Variants in HSPG2 observed in about 807,000 individuals in gnomAD.
HSPG2 encodes basement membrane-specific heparan sulfate proteoglycan core protein.
A neutral mutation model predicts 526.6 loss-of-function variants in HSPG2; 278 were observed. The observed-to-expected ratio is 0.53, with a 90% CI of 0.48 to 0.58. The LOEUF is 0.58. Among genes scored for constraint, HSPG2 ranks in the 20% least tolerant of loss-of-function variants. The pLI, the probability that HSPG2 is intolerant of heterozygous loss-of-function variation, is 0.00. For synonymous variants in HSPG2, 2,465 were observed against 2,555.4 expected (o/e 0.96, Z 1.07); for missense variants, 5,354 against 6,099.5 (o/e 0.88, Z 4.07).
chr1:21,889,934 C>CTG, intron 6 of HSPG2, 47 bp downstream of exon 6: 1 of 1,608,156 alleles, frequency 6.2e-7, no homozygotes, highest in Non-Finnish European at 8.5e-7. Context: ...TGAAAGGGGA[C>CTG]CCCACGAGTC....
At position 21,839,615 on chromosome 1, in the gene HSPG2, C is replaced by T. The variant is rs74060191; in HGVS notation, c.9710-65G>A. 0.027 allele frequency: 41,809 copies of T among 1,577,640 alleles called. 1,151 individuals are homozygous for T. The highest frequency in any genetic ancestry group is 0.14 in the African/African-American group (10,725 of 74,102). ...ACCTCAGGGACCCGCAGAGGGTGGC[C>T]ATGGTGAGGAAGGGCCCTGGGTGAT... On this transcript the variant is annotated intron_variant, in intron 72 of 96. Coordinates refer to ENST00000374695, the MANE Select transcript of HSPG2 (RefSeq NM_005529.7). This position sits in a 1 kb window ranked among gnomAD's most constrained non-coding sequence, Gnocchi z 4.5.
chr1:21,839,007 T>C lies in HSPG2; in HGVS notation c.9968A>G (p.His3323Arg). 1 of 1,609,030 alleles carries C rather than the reference T, an allele frequency of 6.2e-7. No homozygotes were observed. The highest frequency in any genetic ancestry group is 8.5e-7 in the Non-Finnish European group (1 of 1,176,064). ...GETVQLQCLAHGTPPLTFQWS... is the reference protein window; with the variant it reads ...GETVQLQCLARGTPPLTFQWS... ...CTGGAAGGTGAGTGGGGGTGTCCCGTGAGCCAGGCACTGGAGCTGCACCGT... is the reference window on the plus strand; with the variant it reads ...CTGGAAGGTGAGTGGGGGTGTCCCGCGAGCCAGGCACTGGAGCTGCACCGT... Residue 3323 changes from histidine to arginine, a missense_variant, in exon 74 of 97, where the codon CAC becomes CGC. His to Arg is a conservative substitution (Grantham distance 29, BLOSUM62 0). Transcript: ENST00000374695. The surrounding 1 kb of genome is among the most constrained non-coding windows in gnomAD (Gnocchi z 4.5).
In HSPG2 at chr1:21,895,964, C is replaced by A; in HGVS notation, c.202G>T (p.Asp68Tyr). Reference sequence around the variant, plus strand: ...CTGCCCAGGTCCCCACTGCCCAGGTCGTCTATAAGCAAAAAAGAGATGTAA... The same window carrying A: ...CTGCCCAGGTCCCCACTGCCCAGGTAGTCTATAAGCAAAAAAGAGATGTAA... ...DMLADSISGD[D>Y]LGSGDLGSGD... Residue 68 changes from aspartate to tyrosine, a missense_variant and splice_region_variant, in exon 3 of 97, where the codon GAC becomes TAC. By Grantham distance (160) the Asp-to-Tyr change is radical. Coordinates refer to ENST00000374695, the MANE Select transcript of HSPG2 (RefSeq NM_005529.7). The surrounding 1 kb of genome is among the most constrained non-coding windows in gnomAD (Gnocchi z 4.1). 6.2e-7 allele frequency: 1 copy of A among 1,614,018 alleles called. No homozygotes were observed. Among genetic ancestry groups the A allele is most frequent in the African/African-American group, 1.3e-5 (1 of 75,032 alleles).
At chr1:21,907,149 C>T (rs117606398) in intron 1 of HSPG2, among the ~76,000 whole-genome samples, 3 of 152,140 alleles carry the variant, frequency 2.0e-5, no homozygotes, top group South Asian at 2.1e-4. Flanking sequence ...GAGAAGGTGG[C>T]CCAGCACCCA....
In HSPG2 at chr1:21,852,759, C is replaced by A. The variant is rs200488208; in HGVS notation, c.6665G>T (p.Gly2222Val). ...DSGEYVCHVV[G>V]TSGPLEASVL... Reference sequence around the variant, plus strand: ...TGAGGCCTCTAGGGGGCCGGAGGTGCCCACCACATGGCACACATACTCGCC... The same window carrying A: ...TGAGGCCTCTAGGGGGCCGGAGGTGACCACCACATGGCACACATACTCGCC... The change falls in exon 52 of 97, where the codon GGC becomes GTC. Residue 2222 changes from glycine (G) to valine (V), a missense_variant. Coordinates refer to ENST00000374695, the MANE Select transcript of HSPG2 (RefSeq NM_005529.7). 2.3e-5 allele frequency: 37 copies of A among 1,613,182 alleles called. No homozygotes were observed. Among genetic ancestry groups the A allele is most frequent in the Non-Finnish European group, 3.1e-5 (37 of 1,180,012 alleles).
intron 29 of HSPG2, 139 bp downstream of exon 29, chr1:21,873,786 A>G: frequency 1.4e-6 from 1 of 708,070 alleles, no homozygotes; most frequent in Non-Finnish European, 2.4e-6. Context: ...AGGGGAGCTG[A>G]CTGTCTTCTG....
At chr1:21,880,279 C>T (rs762657539) in intron 16 of HSPG2, 25 bp from the exon 17 acceptor site, 34 of 1,613,960 alleles carry the variant, frequency 2.1e-5, no homozygotes, top group East Asian at 8.9e-5. Context: ...CCAAAAGAGT[C>T]GCTGCAAGGA....
In HSPG2 at chr1:21,835,560, C is replaced by T. The variant is rs1315199727; in HGVS notation, c.10433G>A (p.Ser3478Asn). ...AHGPWGKAQA[S>N]AQLVIQALPS... ...CCTACCTTGGATAACCAGCTGGGCA[C>T]TGGCCTGGGCCTTCCCCCAAGGTCC... is the stretch of plus-strand genomic sequence containing the variant. The change falls in exon 76 of 97, where the codon AGT becomes AAT. Residue 3478 changes from serine to asparagine, a missense_variant. Coordinates refer to ENST00000374695, the MANE Select transcript of HSPG2 (RefSeq NM_005529.7). 2.5e-6 allele frequency: 4 copies of T among 1,613,864 alleles called. No homozygotes were observed. In the East Asian group the frequency reaches 8.9e-5, roughly 36 times the overall value.
Position 21,834,844 on chromosome 1 carries a change from G to C in HSPG2, c.10555C>G (p.Gln3519Glu). 6.2e-7 allele frequency: 1 copy of C among 1,614,210 alleles called. No homozygotes were observed. Among genetic ancestry groups the C allele is most frequent in the Non-Finnish European group, 8.5e-7 (1 of 1,180,032 alleles). ...ECLALGDPKP[Q>E]VTWSKVGGHL... ...CCTCCAACTTTGCTCCATGTCACCTGAGGCTTGGGGTCACCCAGTGCCAGG... is the reference window on the plus strand; with the variant it reads ...CCTCCAACTTTGCTCCATGTCACCTCAGGCTTGGGGTCACCCAGTGCCAGG... The change falls in exon 77 of 97, where the codon CAG becomes GAG. Residue 3519 changes from glutamine to glutamate, a missense_variant. Gln to Glu is a conservative substitution (Grantham distance 29). Coordinates refer to ENST00000374695, the MANE Select transcript of HSPG2 (RefSeq NM_005529.7).
intron 85 of HSPG2, chr1:21,830,753 T>C (rs1038739163): frequency 1.0e-5 from 3 of 295,812 alleles, no homozygotes; most frequent in African/African-American, 9.2e-5. Flanking sequence ...GGCGGGGTAG[T>C]GGTAAGAATT....
Position 21,833,930 on chromosome 1 carries a change from G to A in HSPG2, c.10721-5C>T, listed in dbSNP as rs1432869814. 6.4e-7 allele frequency: 1 copy of A among 1,569,688 alleles called. No homozygotes were observed. The highest frequency in any genetic ancestry group is 2.3e-5 in the East Asian group (1 of 42,684). On this transcript the variant is annotated splice_polypyrimidine_tract_variant and splice_region_variant and intron_variant, in intron 77 of 96. Transcript: ENST00000374695. ...GCATTGAGATCTGGGGCAAGGCTGA[G>A]AGGCATGGAAGAGACATAGGCCATC...
At chr1:21,896,106 C>T (rs542768218) in intron 2 of HSPG2, 69 bp downstream of exon 2, 26 of 1,609,904 alleles carry the variant, frequency 1.6e-5, no homozygotes, top group Non-Finnish European at 2.0e-5. Flanking sequence ...CCTCCTCCCC[C>T]ATGCCAGTGG....
chr1:21,929,483 C>G (rs1644291796), intron 1 of HSPG2, among the ~76,000 whole-genome samples: 1 of 151,756 alleles, frequency 6.6e-6, no homozygotes, highest in African/African-American at 2.4e-5. Context: ...TCATGGTTCA[C>G]TGCAACCTCC....
intron 77 of HSPG2, among the ~76,000 whole-genome samples, chr1:21,834,245 G>A (rs1232885955): frequency 6.6e-6 from 1 of 152,234 alleles, no homozygotes; most frequent in Non-Finnish European, 1.5e-5. Context: ...TTGGAGGCAA[G>A]TCACAGGGCT....
rs778794176 is a variant in HSPG2, at chr1:21,880,270, CAA to C, written c.2196-18_2196-17del. 1 of 1,613,994 alleles carries C rather than the reference CAA, an allele frequency of 6.2e-7. No individual in the cohort carries two copies. Among genetic ancestry groups the C allele is most frequent in the African/African-American group, 1.3e-5 (1 of 74,918 alleles). Reference sequence around the variant, plus strand: ...AATGGGGCATCTGTGGGGACAGGACCAAAAGAGTCGCTGCAAGGACGGTGAGG... The same window carrying C: ...AATGGGGCATCTGTGGGGACAGGACCAAGAGTCGCTGCAAGGACGGTGAGG... On this transcript the variant is annotated splice_polypyrimidine_tract_variant and intron_variant, in intron 16 of 96. Coordinates refer to ENST00000374695, the MANE Select transcript of HSPG2 (RefSeq NM_005529.7).
intron 1 of HSPG2, among the ~76,000 whole-genome samples, chr1:21,910,136 T>A (rs1306319575): frequency 6.6e-6 from 1 of 152,230 alleles, no homozygotes; most frequent in African/African-American, 2.4e-5. Context: ...GGATCCTCCA[T>A]GGCGATGTTG....
chr1:21,925,180 G>T (rs1479227825), intron 1 of HSPG2, among the ~76,000 whole-genome samples: 1 of 152,162 alleles, frequency 6.6e-6, no homozygotes, highest in African/African-American at 2.4e-5. Context: ...TGTACAGGGG[G>T]ATTGATAACA....
intron 1 of HSPG2, among the ~76,000 whole-genome samples, chr1:21,920,738 T>C (rs1019416409): frequency 5.3e-5 from 8 of 152,172 alleles, no homozygotes; most frequent in African/African-American, 1.9e-4. Flanking sequence ...AATGCCCTAA[T>C]GTTATCAAAA....
Position 21,848,740 on chromosome 1 carries a change from T to C in HSPG2, c.7640A>G (p.Asn2547Ser), listed in dbSNP as rs761345009. The C allele has an allele frequency of 8.1e-6, 13 of 1,613,746 alleles. No individual in the cohort carries two copies. Among genetic ancestry groups the C allele is most frequent in the South Asian group, 3.3e-5 (3 of 91,062 alleles). Residue 2547 changes from asparagine to serine, a missense_variant, in exon 59 of 97, where the codon AAT becomes AGT. Asn to Ser is a conservative substitution (Grantham distance 46). Transcript: ENST00000374695. The surrounding 1 kb of genome is among the most constrained non-coding windows in gnomAD (Gnocchi z 4.9). Reference protein sequence around the residue: ...RIESSSASLANGHTLDLNCLV... With the variant: ...RIESSSASLASGHTLDLNCLV... ...GCAGTTGAGGTCCAGGGTGTGTCCA[T>C]TGGCCAGGGAGGCTGAGGAGGACTC...
Sources: allele counts gnomAD v4.1 joint callset (sites outside exome capture counted in the v4.1 genomes callset), GRCh38; gene constraint gnomAD v4.1.1; non-coding constraint Gnocchi (gnomAD v3.1); transcripts MANE v1.5; gene names NCBI Gene and HGNC (gene_info 2026-07-23, HGNC 2026-07-21).